The following GPR143 variants were observed in gnomAD, a reference collection of about 807,000 sequenced individuals.
The protein encoded by GPR143 is G-protein coupled receptor 143.
Under a neutral mutation model 27.6 loss-of-function variants are expected in GPR143, and 8 were observed. That is an observed-to-expected ratio of 0.29 (90% CI 0.17 to 0.52). The LOEUF is 0.52. GPR143 is among the 20% of genes least tolerant of loss of function. The probability of loss-of-function intolerance (pLI) is 0.96; values close to 1 mark genes in which losing one functional copy is unlikely to be tolerated. For synonymous variants in GPR143, 156 were observed against 153.2 expected, an observed-to-expected ratio of 1.02 and a Z score of -0.13; for missense variants, 303 against 343.1, an observed-to-expected ratio of 0.88 and a Z score of 0.92.
chrX:9,732,917 G>A lies in GPR143; in HGVS notation c.1120+6568C>T, dbSNP rs191060755. ...GCAAATTCTGAGAGAAAGAAGAGAC[G>A]AGTGGGAAAGAAGAAATTGTTAGAG... is the stretch of plus-strand genomic sequence containing the variant. On this transcript the variant is annotated intron_variant, in intron 8 of 8. Transcript: ENST00000467482. 2.5e-3 allele frequency among the ~76,000 whole-genome samples: 272 copies of A among 107,658 alleles called. 1 individual carries two copies. The highest frequency in any genetic ancestry group is 4.1e-3 in the Non-Finnish European group (215 of 52,089). The allele number at this position is 107,658 out of a possible 115,157, so 93.5% of individuals were successfully genotyped here.
intron 3 of GPR143, among the ~76,000 whole-genome samples, chrX:9,749,308 G>A (rs1261331562): frequency 4.1e-5 from 4 of 97,309 alleles, no homozygotes; most frequent in Non-Finnish European, 8.0e-5. Context: ...CTTCTGCCAC[G>A]ATTGTAAGTT....
At chrX:9,737,520 T>A (rs963808740) in intron 8 of GPR143, among the ~76,000 whole-genome samples, 1 of 111,039 alleles carries the variant, frequency 9.0e-6, no homozygotes, top group East Asian at 2.8e-4. Flanking sequence ...AGCAAAGCCA[T>A]AGAGACAGAA....
chrX:9,730,883 A>G (rs1476508), intron 8 of GPR143, among the ~76,000 whole-genome samples: 11,404 of 110,841 alleles, frequency 0.1, 867 homozygotes, highest in East Asian at 0.56. Context: ...ACCTTCCTCC[A>G]TATGCCCACA....
upstream of GPR143, among the ~76,000 whole-genome samples, chrX:9,769,761 G>C (rs1351368963): frequency 1.8e-5 from 2 of 110,091 alleles, no homozygotes; most frequent in Non-Finnish European, 3.8e-5. Context: ...TTTGTATTTA[G>C]AGTACAGACG....
chrX:9,745,877 T>C (rs1464125923), intron 5 of GPR143, among the ~76,000 whole-genome samples, 167 bp downstream of exon 5: 1 of 112,528 alleles, frequency 8.9e-6, no homozygotes, highest in East Asian at 2.8e-4. Flanking sequence ...TTTTCATTTA[T>C]TGAACCTGCT....
intron 8 of GPR143, among the ~76,000 whole-genome samples, chrX:9,730,758 G>A (rs2083349654): frequency 8.9e-6 from 1 of 112,188 alleles, no homozygotes; most frequent in Admixed American, 9.4e-5. Flanking sequence ...CAGAGGCAGT[G>A]AAAAGAAGCA....
In GPR143 at chrX:9,765,623, C is replaced by T. The variant is rs1478859621; in HGVS notation, c.195G>A (p.Pro65=). 3.0e-6 allele frequency: 3 copies of T among 991,573 alleles called. No individual in the cohort carries two copies. The highest frequency in any genetic ancestry group is 4.2e-5 in the East Asian group (1 of 23,657). 81.7% of individuals were successfully genotyped at this position (991,573 alleles called of 1,213,427 possible). The change falls in exon 1 of 9, where the codon CCG becomes CCA. Residue 65 remains proline, a synonymous_variant. Coordinates refer to ENST00000467482, the MANE Select transcript of GPR143 (RefSeq NM_000273.3). ...AGPGSPATSP[P]ASVRILRAAA... ...CAGCGCGCAGGATGCGGACCGAGGCCGGCGGGGACGTCGCGGGGGACCCGG... is the reference window on the plus strand; with the variant it reads ...CAGCGCGCAGGATGCGGACCGAGGCTGGCGGGGACGTCGCGGGGGACCCGG...
chrX:9,761,966 G>A (rs2083503781), intron 1 of GPR143, among the ~76,000 whole-genome samples: 2 of 112,115 alleles, frequency 1.8e-5, no homozygotes, highest in Non-Finnish European at 3.8e-5. Context: ...ACGCGCCTGT[G>A]GTCCCAGCTA....
At chrX:9,732,186 T>C (rs5978338) in intron 8 of GPR143, among the ~76,000 whole-genome samples, 40,150 of 109,770 alleles carry the variant, frequency 0.37, 7,904 homozygotes, top group African/African-American at 0.74. Context: ...GTGAGATGAA[T>C]AGGGAATTAT....
At chrX:9,741,964 C>G (rs913887801) in intron 6 of GPR143, among the ~76,000 whole-genome samples, 2 of 111,813 alleles carry the variant, frequency 1.8e-5, no homozygotes, top group African/African-American at 6.5e-5. Flanking sequence ...AAACATAATT[C>G]GTTTTCTCAG....
chrX:9,725,894 A>G (rs1481524231), intron 8 of GPR143, 54 bp from the exon 9 acceptor site: 5 of 1,159,231 alleles, frequency 4.3e-6, no homozygotes, highest in Non-Finnish European at 1.2e-6. Flanking sequence ...CAGGTTTGTC[A>G]TCAGCTTCAG....
At chrX:9,767,240 A>T (rs1426969811), upstream of GPR143, among the ~76,000 whole-genome samples, 1 of 109,621 alleles carries the variant, frequency 9.1e-6, no homozygotes, top group Non-Finnish European at 1.9e-5. Flanking sequence ...CCTTTATTTT[A>T]AAAAAAGAAA....
intron 4 of GPR143, chrX:9,747,994 G>C (rs1445208627): frequency 1.7e-5 from 2 of 117,865 alleles, no homozygotes; most frequent in Non-Finnish European, 3.5e-5. Context: ...AAAGACCTTG[G>C]CTTTGCAACT....
chrX:9,757,569 T>G (rs1470756639), intron 3 of GPR143, among the ~76,000 whole-genome samples: 1 of 110,938 alleles, frequency 9.0e-6, no homozygotes, highest in South Asian at 3.9e-4. Context: ...AGAAAGTAGA[T>G]AAGTGGTTGC....
intron 5 of GPR143, among the ~76,000 whole-genome samples, chrX:9,744,828 G>C (rs1239586143): frequency 2.7e-5 from 3 of 112,606 alleles, no homozygotes; most frequent in Non-Finnish European, 5.6e-5. Flanking sequence ...CGTCCACCCA[G>C]AGGTAACCAC....
intron 4 of GPR143, among the ~76,000 whole-genome samples, chrX:9,748,225 C>A (rs898945648): frequency 1.2e-4 from 14 of 112,696 alleles, no homozygotes; most frequent in African/African-American, 4.5e-4. Context: ...AGCTTGAAGA[C>A]CAAATACTTA....
chrX:9,754,577 C>T (rs2083465556), intron 3 of GPR143, among the ~76,000 whole-genome samples: 1 of 111,752 alleles, frequency 8.9e-6, no homozygotes, highest in African/African-American at 3.3e-5. Context: ...CAGGAGAAGC[C>T]TGCGCCCCCC....
At chrX:9,753,011 G>C (rs1024094881) in intron 3 of GPR143, among the ~76,000 whole-genome samples, 2 of 111,028 alleles carry the variant, frequency 1.8e-5, no homozygotes, top group Non-Finnish European at 3.8e-5. Flanking sequence ...CAGTTTAAGT[G>C]TAAGTCTGAT....
intron 2 of GPR143, 135 bp downstream of exon 2, chrX:9,760,582 G>C (rs1291441060): frequency 2.1e-6 from 1 of 482,873 alleles, no homozygotes; most frequent in Non-Finnish European, 3.8e-6. Flanking sequence ...AAAACAGAGA[G>C]GGCTGGGTTC....
Sources: allele counts gnomAD v4.1 joint callset (sites outside exome capture counted in the v4.1 genomes callset), GRCh38; gene constraint gnomAD v4.1.1; transcripts MANE v1.5; gene names NCBI Gene and HGNC (gene_info 2026-07-23, HGNC 2026-07-21).